Variants in MEFV observed in about 807,000 individuals in gnomAD.
MEFV encodes pyrin.
Under a neutral mutation model 62.5 loss-of-function variants are expected in MEFV, and 60 were observed. The ratio of observed to expected loss-of-function variants is 0.96; its 90% CI spans 0.78 to 1.19. The LOEUF (loss-of-function observed/expected upper bound fraction) is 1.19. Among genes scored for constraint, MEFV ranks in the 50% most tolerant of loss-of-function variants. MEFV has a pLI of 0.00. For synonymous variants in MEFV, 500 were observed against 415.2 expected (o/e 1.20, Z -2.48); for missense variants, 1,169 against 1,004.5 (o/e 1.16, Z -2.21).
chr16:3,248,900 T>C lies in MEFV; in HGVS notation c.1356+9A>G. On this transcript the variant is annotated intron_variant, in intron 4 of 9. Transcript: ENST00000219596. The stretch of plus-strand genomic sequence containing the variant: ...GGACGGATGGGCCATCAGCCACCTC[T>C]GACCTTACCAGAAAGCTCACTGCCT... 1 of 1,614,004 alleles carries C rather than the reference T, an allele frequency of 6.2e-7. No homozygotes were observed. Among genetic ancestry groups the C allele is most frequent in the Non-Finnish European group, 8.5e-7 (1 of 1,179,836 alleles).
At chr16:3,253,827 A>G (rs1416458838) in intron 2 of MEFV, among the ~76,000 whole-genome samples, 1 of 151,980 alleles carries the variant, frequency 6.6e-6, no homozygotes, top group East Asian at 1.9e-4. Context: ...CCACTATTGT[A>G]TTTTGTAGAG....
chr16:3,252,812 T>A (rs1272483482), intron 2 of MEFV, among the ~76,000 whole-genome samples: 1 of 150,124 alleles, frequency 6.7e-6, no homozygotes. Flanking sequence ...TAACCAGGTG[T>A]GGTGGTGAGC....
chr16:3,250,578 G>C (rs982535350), intron 2 of MEFV, among the ~76,000 whole-genome samples: 1 of 151,950 alleles, frequency 6.6e-6, no homozygotes, highest in East Asian at 1.9e-4. Context: ...GGGCAACAGA[G>C]TAAGATGCCA....
intron 1 of MEFV, 39 bp downstream of exon 1, chr16:3,256,272 A>C: frequency 6.2e-7 from 1 of 1,606,546 alleles, no homozygotes. Context: ...AGCAGCCAGC[A>C]CTCAGCACTG....
intron 4 of MEFV, chr16:3,247,494 A>G: frequency 1.8e-6 from 1 of 550,202 alleles, no homozygotes; most frequent in South Asian, 2.1e-5. Context: ...GTCCCTTCCA[A>G]AATTTACACG....
rs186588194 is a variant in MEFV at position 3,243,135 on chromosome 16, G to A, written c.*6C>T. On this transcript the variant is annotated 3_prime_UTR_variant, in exon 10 of 10. Coordinates refer to ENST00000219596, the MANE Select transcript of MEFV (RefSeq NM_000243.3). ...GAAGCAGGAAGAGAGATGCAGTGTT[G>A]GGCATTCAGTCAGGCCCCTGACCAC... 6.2e-7 allele frequency: 1 copy of A among 1,612,742 alleles called. No homozygotes were observed. Among genetic ancestry groups the A allele is most frequent in the Admixed American group, 1.7e-5 (1 of 60,014 alleles).
In MEFV at chr16:3,247,169, A is replaced by C; in HGVS notation, c.1434T>G (p.His478Gln). ...QVYYFLEQQEHFFVASLEDVG... is the reference protein window; with the variant it reads ...QVYYFLEQQEQFFVASLEDVG... Reference sequence around the variant, plus strand: ...CGTCCTCCAGTGAGGCCACAAAGAAATGCTCTTGCTGCTCCAGGAAGTAGT... The same window carrying C: ...CGTCCTCCAGTGAGGCCACAAAGAACTGCTCTTGCTGCTCCAGGAAGTAGT... The change falls in exon 5 of 10, where the codon CAT becomes CAG. Residue 478 changes from histidine (H) to glutamine (Q), a missense_variant. His to Gln is a conservative substitution (Grantham distance 24). Coordinates refer to ENST00000219596, the MANE Select transcript of MEFV (RefSeq NM_000243.3). The C allele has an allele frequency of 6.2e-7, 1 of 1,614,064 alleles. No homozygotes were observed. The highest frequency in any genetic ancestry group is 8.5e-7 in the Non-Finnish European group (1 of 1,180,000).
intron 2 of MEFV, among the ~76,000 whole-genome samples, chr16:3,250,958 A>C (rs939523841): frequency 7.5e-6 from 1 of 133,420 alleles, no homozygotes; most frequent in Admixed American, 8.2e-5. Flanking sequence ...CGGGAGGCGG[A>C]GTTTGCAGTG....
rs1222862637 is a variant in MEFV at position 3,249,790 on chromosome 16, TGCA to T, written c.911-13_911-11del. 6.2e-7 allele frequency: 1 copy of T among 1,611,816 alleles called. No individual in the cohort carries two copies. Among genetic ancestry groups the T allele is most frequent in the Non-Finnish European group, 8.5e-7 (1 of 1,178,856 alleles). The stretch of plus-strand genomic sequence containing the variant: ...GTGTCTGGTGGCCTTCCTGGGGACA[TGCA>T]GTGGAAAAACCCCCTGAATGGCAAA... On this transcript the variant is annotated splice_polypyrimidine_tract_variant and intron_variant, in intron 2 of 9. Transcript: ENST00000219596.
chr16:3,243,728 C>A (rs1340465145), intron 9 of MEFV, 34 bp from the exon 10 acceptor site: 2 of 1,612,114 alleles, frequency 1.2e-6, no homozygotes, highest in Non-Finnish European at 1.7e-6. Flanking sequence ...AGGTAGGGGT[C>A]CATGGGCAAC....
At chr16:3,250,292 T>C (rs969149854) in intron 2 of MEFV, among the ~76,000 whole-genome samples, 4 of 152,214 alleles carry the variant, frequency 2.6e-5, no homozygotes, top group Admixed American at 2.0e-4. Context: ...ACTGCTCACA[T>C]ATGAGTTCAA....
Position 3,243,038 on chromosome 16 carries a change from G to T in MEFV, c.*103C>A. On this transcript the variant is annotated 3_prime_UTR_variant, in exon 10 of 10. Transcript: ENST00000219596. The stretch of plus-strand genomic sequence containing the variant: ...GCACAGTAACTATTTTGTTATTTTT[G>T]CATTTCCCATAGCAGCTAGCACCTA... 3 of 1,331,378 alleles carry T rather than the reference G, an allele frequency of 2.3e-6. No homozygotes were observed. The highest frequency in any genetic ancestry group is 1.4e-5 in the African/African-American group (1 of 69,030). The allele number at this position is 1,331,378 out of a possible 1,614,324, so 82.5% of individuals were successfully genotyped here.
intron 2 of MEFV, 58 bp from the exon 3 acceptor site, chr16:3,249,838 G>C (rs1959007349): frequency 3.5e-6 from 5 of 1,417,982 alleles, no homozygotes; most frequent in Non-Finnish European, 4.9e-6. Flanking sequence ...CTTACACAGA[G>C]GTATCACAAA....
At chr16:3,250,883 A>G (rs910777872) in intron 2 of MEFV, among the ~76,000 whole-genome samples, 9 of 150,756 alleles carry the variant, frequency 6.0e-5, no homozygotes, top group South Asian at 2.1e-4. Flanking sequence ...AATTAGCCGG[A>G]CGTGGTGGTG....
At chr16:3,246,466 G>T in intron 6 of MEFV, 59 bp downstream of exon 6, 1 of 1,603,814 alleles carries the variant, frequency 6.2e-7, no homozygotes, top group South Asian at 1.1e-5. Flanking sequence ...TTCTGGGACT[G>T]TCTCCCCCAT....
At chr16:3,246,836 G>A (rs1414658121) in intron 5 of MEFV, among the ~76,000 whole-genome samples, 180 bp downstream of exon 5, 3 of 152,190 alleles carry the variant, frequency 2.0e-5, no homozygotes, top group Non-Finnish European at 1.5e-5. Flanking sequence ...CTGGGCTCCT[G>A]AGAGACCTCA....
At chr16:3,246,919 AC>A in intron 5 of MEFV, 96 bp downstream of exon 5, 3 of 1,197,616 alleles carry the variant, frequency 2.5e-6, no homozygotes, top group Non-Finnish European at 3.7e-6. Flanking sequence ...TAGGGGCTTC[AC>A]CCACTTGTTC....
chr16:3,247,553 AG>A, intron 4 of MEFV: 1 of 257,526 alleles, frequency 3.9e-6, no homozygotes, highest in South Asian at 3.2e-5. Flanking sequence ...TTTGGAGATA[AG>A]AGTTCTTGCA....
chr16:3,249,882 G>T, intron 2 of MEFV, 102 bp from the exon 3 acceptor site: 1 of 965,118 alleles, frequency 1.0e-6, no homozygotes, highest in African/African-American at 1.6e-5. Flanking sequence ...TGAGATGTGC[G>T]AGTTCTCAGT....
Sources: allele counts gnomAD v4.1 joint callset (sites outside exome capture counted in the v4.1 genomes callset), GRCh38; gene constraint gnomAD v4.1.1; transcripts MANE v1.5; gene names NCBI Gene and HGNC (gene_info 2026-07-23, HGNC 2026-07-21).